LPP: variants seen among roughly 807,000 people sequenced by gnomAD.
The protein encoded by LPP is LIM domain containing preferred translocation partner in lipoma.
LPP carries 38 observed loss-of-function variants against 60.4 expected under a neutral mutation model. The observed-to-expected ratio is 0.63, with a 90% CI of 0.49 to 0.83. LPP has a LOEUF of 0.83. Ranked by LOEUF, LPP falls within the 40% of genes least tolerant of loss-of-function variation. The probability of loss-of-function intolerance (pLI) is 0.00; values close to 1 mark genes in which losing one functional copy is unlikely to be tolerated. For synonymous variants in LPP, 328 were observed against 290.8 expected, an observed-to-expected ratio of 1.13 and a Z score of -1.30; for missense variants, 902 against 783.6, an observed-to-expected ratio of 1.15 and a Z score of -1.80.
chr3:188,455,084 A>G (rs1461397227), intron 4 of LPP, among the ~76,000 whole-genome samples: 3 of 152,226 alleles, frequency 2.0e-5, no homozygotes, highest in Non-Finnish European at 4.4e-5. Context: ...GAGCTAGAAT[A>G]GAATCATAGC....
At chr3:188,734,765 A>C (rs905266035) in intron 8 of LPP, among the ~76,000 whole-genome samples, 39 of 152,230 alleles carry the variant, frequency 2.6e-4, no homozygotes, top group African/African-American at 9.4e-4. Flanking sequence ...TGACCTGTGA[A>C]GATTGTCATC....
chr3:188,734,688 G>A (rs1456742817), intron 8 of LPP, among the ~76,000 whole-genome samples: 1 of 152,232 alleles, frequency 6.6e-6, no homozygotes, highest in Non-Finnish European at 1.5e-5. Context: ...TTTGAGAACA[G>A]CAAAGAACCA....
At chr3:188,744,356 C>G (rs557378766) in intron 8 of LPP, among the ~76,000 whole-genome samples, 127 of 152,276 alleles carry the variant, frequency 8.3e-4, no homozygotes, top group Middle Eastern at 3.4e-3. Flanking sequence ...TTCTCCACAT[C>G]CAATGTGTCC....
At chr3:188,737,449 A>G (rs923741806) in intron 8 of LPP, among the ~76,000 whole-genome samples, 4 of 152,224 alleles carry the variant, frequency 2.6e-5, no homozygotes, top group African/African-American at 9.6e-5. Flanking sequence ...AGTAGCCCAG[A>G]TGAAATTTCC....
At chr3:188,275,672 G>A (rs1243174295) in intron 2 of LPP, among the ~76,000 whole-genome samples, 2 of 131,004 alleles carry the variant, frequency 1.5e-5, no homozygotes, top group Non-Finnish European at 3.2e-5. Context: ...AGCACCTGCT[G>A]TATTCCAGGA....
chr3:188,738,044 C>A (rs562174236), intron 8 of LPP, among the ~76,000 whole-genome samples: 38 of 152,242 alleles, frequency 2.5e-4, no homozygotes, highest in Non-Finnish European at 4.1e-4. Flanking sequence ...TTTCTCTCTT[C>A]CCCTCTACAT....
At chr3:188,691,522 G>A (rs943480475) in intron 7 of LPP, among the ~76,000 whole-genome samples, 4 of 152,218 alleles carry the variant, frequency 2.6e-5, no homozygotes, top group South Asian at 2.1e-4. Context: ...GATGGTTTGT[G>A]TGTCCCTTTA....
At chr3:188,391,416 C>A (rs1220861550) in intron 3 of LPP, among the ~76,000 whole-genome samples, 1 of 152,170 alleles carries the variant, frequency 6.6e-6, no homozygotes, top group African/African-American at 2.4e-5. Flanking sequence ...GAATTTGAAC[C>A]TGTCTGTTGT....
At chr3:188,792,261 A>G (rs1223945942) in intron 9 of LPP, among the ~76,000 whole-genome samples, 1 of 152,094 alleles carries the variant, frequency 6.6e-6, no homozygotes, top group Admixed American at 6.6e-5. Context: ...GCTTGGAGAA[A>G]CGTTTTTCAT....
chr3:188,287,380 T>G (rs544943578), intron 2 of LPP, among the ~76,000 whole-genome samples: 1 of 152,302 alleles, frequency 6.6e-6, no homozygotes, highest in East Asian at 1.9e-4. Context: ...TTTAAGAAAC[T>G]GAGGTCTGGC....
At chr3:188,207,237 T>C (rs988517897) in intron 1 of LPP, among the ~76,000 whole-genome samples, 11 of 150,406 alleles carry the variant, frequency 7.3e-5, no homozygotes, top group African/African-American at 2.2e-4. Flanking sequence ...CTTTTCTTTT[T>C]TTTTTTTTTC....
intron 2 of LPP, among the ~76,000 whole-genome samples, chr3:188,264,894 A>G (rs887033565): frequency 1.3e-5 from 2 of 152,210 alleles, no homozygotes; most frequent in Admixed American, 6.5e-5. Flanking sequence ...AACAAAACAC[A>G]AAGTAAGCAG....
chr3:188,467,535 T>A (rs1800785391), intron 4 of LPP, among the ~76,000 whole-genome samples: 1 of 152,094 alleles, frequency 6.6e-6, no homozygotes, highest in Admixed American at 6.6e-5. Flanking sequence ...GTGAATATGT[T>A]AGGGTACATG....
At chr3:188,499,271 T>C (rs77202475) in intron 5 of LPP, among the ~76,000 whole-genome samples, 1,786 of 152,320 alleles carry the variant, frequency 0.012, 39 homozygotes, top group African/African-American at 0.04. Context: ...ATGTTACCTT[T>C]AGGTCATGGA....
At chr3:188,862,154 C>T (rs1302782237) in intron 9 of LPP, among the ~76,000 whole-genome samples, 1 of 152,096 alleles carries the variant, frequency 6.6e-6, no homozygotes, top group Non-Finnish European at 1.5e-5. Flanking sequence ...TAAGGACTTC[C>T]TATACTTTCC....
intron 3 of LPP, 57 bp from the exon 4 acceptor site, chr3:188,406,052 TGAG>T: frequency 2.9e-6 from 4 of 1,392,922 alleles, no homozygotes; most frequent in Non-Finnish European, 4.0e-6. Context: ...AGCAATGAAA[TGAG>T]GAGTATTGTC....
chr3:188,214,013 A>G (rs566848460), intron 1 of LPP, among the ~76,000 whole-genome samples: 41 of 105,752 alleles, frequency 3.9e-4, no homozygotes, highest in Admixed American at 7.8e-4. Flanking sequence ...TTTTAAGCCT[A>G]CCAAAGCAGG....
In LPP at chr3:188,861,612, C is replaced by T. The variant is rs148707916; in HGVS notation, c.1411-4588C>T. Among the ~76,000 whole-genome samples, 8 of 152,158 alleles carry T rather than the reference C, an allele frequency of 5.3e-5. No homozygotes were observed. The East Asian group carries it at 1.5e-3, about 29-fold the overall frequency. ...CATTAGTAGTTCACGTTTATGTTAT[C>T]TATATGCTTCATTTATATTCATATG... On this transcript the variant is annotated intron_variant, in intron 9 of 11. Transcript: ENST00000617246.
chr3:188,267,139 GGTCA>G, intron 2 of LPP, among the ~76,000 whole-genome samples: 1 of 152,248 alleles, frequency 6.6e-6, no homozygotes, highest in Middle Eastern at 3.4e-3. Context: ...GACGTGAAGG[GGTCA>G]GTTCCTGGAA....
Sources: gnomAD v4.1 joint callset for allele counts (sites outside exome capture counted in the v4.1 genomes callset) on GRCh38, gnomAD v4.1.1 for gene constraint, MANE v1.5 for transcripts, NCBI Gene and HGNC (gene_info 2026-07-23, HGNC 2026-07-21) for gene names.